Variants in SEMA3E observed in about 807,000 individuals in gnomAD.
SEMA3E encodes the protein semaphorin 3E.
SEMA3E carries 49 observed loss-of-function variants against 93.6 expected under a neutral mutation model. That is an observed-to-expected ratio of 0.52 (90% CI 0.42 to 0.66). The LOEUF (loss-of-function observed/expected upper bound fraction) is 0.66, where lower values mean the gene tolerates loss of function less well. SEMA3E is among the 30% of genes least tolerant of loss of function. The probability of loss-of-function intolerance (pLI) is 0.00; values close to 1 mark genes in which losing one functional copy is unlikely to be tolerated. For missense variants in SEMA3E, 906 were observed against 964.8 expected (o/e 0.94, Z 0.81); for synonymous variants, 363 against 330.7 (o/e 1.10, Z -1.06).
At chr7:83,450,017 C>T (rs1789322362) in intron 4 of SEMA3E, among the ~76,000 whole-genome samples, 1 of 152,088 alleles carries the variant, frequency 6.6e-6, no homozygotes, top group Admixed American at 6.6e-5. Flanking sequence ...CTCAAAGCCT[C>T]AATAAGCATA....
chr7:83,636,365 T>C (rs2115691252), intron 1 of SEMA3E, among the ~76,000 whole-genome samples: 1 of 152,246 alleles, frequency 6.6e-6, no homozygotes, highest in African/African-American at 2.4e-5. Context: ...CATTTCATTT[T>C]CTGCCATCTC....
intron 4 of SEMA3E, among the ~76,000 whole-genome samples, chr7:83,444,154 TCA>T (rs1430414380): frequency 6.6e-6 from 1 of 152,130 alleles, no homozygotes; most frequent in Non-Finnish European, 1.5e-5. Flanking sequence ...ATGTGTGATC[TCA>T]GTCTTGATGG....
intron 1 of SEMA3E, among the ~76,000 whole-genome samples, chr7:83,490,966 G>T (rs1790371503): frequency 6.6e-6 from 1 of 152,034 alleles, no homozygotes; most frequent in Non-Finnish European, 1.5e-5. Flanking sequence ...TGGCAGTTTA[G>T]TACTTAAGGT....
At chr7:83,643,352 T>C (rs1466890691) in intron 1 of SEMA3E, among the ~76,000 whole-genome samples, 1 of 152,054 alleles carries the variant, frequency 6.6e-6, no homozygotes, top group Non-Finnish European at 1.5e-5. Context: ...ATATTATGTA[T>C]AGAATACTTC....
intron 1 of SEMA3E, among the ~76,000 whole-genome samples, chr7:83,600,980 T>C (rs1792983730): frequency 6.6e-6 from 1 of 152,186 alleles, no homozygotes; most frequent in Non-Finnish European, 1.5e-5. Flanking sequence ...ATGGGGAGTT[T>C]ATTCTGCATT....
chr7:83,453,381 T>C (rs1022758994), intron 4 of SEMA3E, among the ~76,000 whole-genome samples: 1 of 148,722 alleles, frequency 6.7e-6, no homozygotes, highest in East Asian at 2.0e-4. Flanking sequence ...TAACTTTCAA[T>C]ATCAACTCCA....
rs1006018489 is a variant in SEMA3E, at chr7:83,494,903, T to C, written c.116-4629A>G. On this transcript the variant is annotated intron_variant, in intron 1 of 16. Coordinates refer to ENST00000643230, the MANE Select transcript of SEMA3E (RefSeq NM_012431.3). Reference sequence around the variant, plus strand: ...TCATAGATTGCTGGCTTCATCTAGATTGAATGTGTTGTGAACAATTATCCA... The same window carrying C: ...TCATAGATTGCTGGCTTCATCTAGACTGAATGTGTTGTGAACAATTATCCA... 5.3e-5 allele frequency among the ~76,000 whole-genome samples: 8 copies of C among 152,094 alleles called. 1 individual carries two copies. The highest frequency in any genetic ancestry group is 3.9e-4 in the Admixed American group (6 of 15,254).
At chr7:83,428,839 A>T (rs77519859) in intron 4 of SEMA3E, among the ~76,000 whole-genome samples, 4 of 152,182 alleles carry the variant, frequency 2.6e-5, no homozygotes, top group African/African-American at 7.2e-5. Context: ...CCTCACGGTA[A>T]ACCTGTGAAG....
At chr7:83,634,789 T>G (rs2115685689) in intron 1 of SEMA3E, among the ~76,000 whole-genome samples, 1 of 152,176 alleles carries the variant, frequency 6.6e-6, no homozygotes, top group South Asian at 2.1e-4. Context: ...ATTCTAGTAT[T>G]TTATAGTCCT....
At chr7:83,505,844 T>C (rs1173023846) in intron 1 of SEMA3E, among the ~76,000 whole-genome samples, 5 of 151,470 alleles carry the variant, frequency 3.3e-5, no homozygotes, top group African/African-American at 1.2e-4. Flanking sequence ...TGAAACCTCG[T>C]CTCTATTAAA....
intron 1 of SEMA3E, among the ~76,000 whole-genome samples, chr7:83,631,016 A>G (rs1793775783): frequency 6.6e-6 from 1 of 152,160 alleles, no homozygotes; most frequent in Non-Finnish European, 1.5e-5. Context: ...TACAAGAGAG[A>G]CTGGCAAATC....
At chr7:83,413,140 G>A (rs1562770975) in intron 5 of SEMA3E, among the ~76,000 whole-genome samples, 1 of 151,924 alleles carries the variant, frequency 6.6e-6, no homozygotes, top group Non-Finnish European at 1.5e-5. Flanking sequence ...TTTTTACAAT[G>A]TGAACTCTAG....
chr7:83,647,367 G>C (rs540243837), intron 1 of SEMA3E, among the ~76,000 whole-genome samples: 6 of 152,148 alleles, frequency 3.9e-5, no homozygotes, highest in African/African-American at 1.2e-4. Flanking sequence ...ACAAGCTTCT[G>C]TTCTTTCTAC....
chr7:83,537,643 A>C (rs1202309181), intron 1 of SEMA3E, among the ~76,000 whole-genome samples: 1 of 152,220 alleles, frequency 6.6e-6, no homozygotes, highest in African/African-American at 2.4e-5. Context: ...ATCTCTAAAC[A>C]ATATGGTTTC....
intron 4 of SEMA3E, among the ~76,000 whole-genome samples, chr7:83,444,715 T>C (rs746131018): frequency 3.4e-5 from 5 of 146,160 alleles, no homozygotes; most frequent in African/African-American, 7.4e-5. Context: ...TTGTCACCCA[T>C]GCCAGAGTGC....
At chr7:83,390,460 T>C (rs1787997203) in intron 14 of SEMA3E, among the ~76,000 whole-genome samples, 1 of 152,076 alleles carries the variant, frequency 6.6e-6, no homozygotes, top group Admixed American at 6.5e-5. Flanking sequence ...TTATAAACCA[T>C]AGTGTATTTT....
chr7:83,369,719 A>AT (rs1483132688), intron 16 of SEMA3E, among the ~76,000 whole-genome samples: 1 of 152,146 alleles, frequency 6.6e-6, no homozygotes, highest in Non-Finnish European at 1.5e-5. Context: ...TTACTGATAC[A>AT]TTTTTCTCAG....
intron 2 of SEMA3E, among the ~76,000 whole-genome samples, chr7:83,479,730 TCA>T (rs1333233727): frequency 1.3e-5 from 2 of 152,212 alleles, no homozygotes; most frequent in African/African-American, 4.8e-5. Context: ...CTGGAATCTC[TCA>T]TTTAATAAGA....
intron 1 of SEMA3E, among the ~76,000 whole-genome samples, chr7:83,569,044 A>C (rs1792220288): frequency 6.6e-6 from 1 of 152,178 alleles, no homozygotes; most frequent in Non-Finnish European, 1.5e-5. Context: ...GCAAGATATG[A>C]AATTAACAAA....
Sources: gnomAD v4.1 joint callset for allele counts (sites outside exome capture counted in the v4.1 genomes callset) on GRCh38, gnomAD v4.1.1 for gene constraint, MANE v1.5 for transcripts, NCBI Gene and HGNC (gene_info 2026-07-23, HGNC 2026-07-21) for gene names.